The following POLE variants were observed in gnomAD, a reference collection of about 807,000 sequenced individuals.
POLE encodes the protein DNA polymerase epsilon, catalytic subunit, also known as DNA polymerase epsilon catalytic subunit A.
Under a neutral mutation model 279.2 loss-of-function variants are expected in POLE, and 188 were observed. The ratio of observed to expected loss-of-function variants is 0.67; its 90% CI spans 0.60 to 0.76. POLE has a LOEUF of 0.76. POLE is among the 30% of genes least tolerant of loss of function. POLE has a pLI of 0.00. For missense variants in POLE, 2,703 were observed against 3,016.7 expected, an observed-to-expected ratio of 0.90 and a Z score of 2.44; for synonymous variants, 1,214 against 1,172.5, an observed-to-expected ratio of 1.04 and a Z score of -0.72.
At chr12:132,652,756 G>A (rs2042450906) in intron 29 of POLE, among the ~76,000 whole-genome samples, 1 of 152,172 alleles carries the variant, frequency 6.6e-6, no homozygotes, top group Non-Finnish European at 1.5e-5. Flanking sequence ...TAACAGGGGA[G>A]TCTGTTTCTA....
chr12:132,639,360 A>G lies in POLE; in HGVS notation c.5379-62T>C. The stretch of plus-strand genomic sequence containing the variant: ...GCCTCCCACGCTGCTGCCACGCGGG[A>G]CGCTCCAACTGAAATGGGCACAGGT... On this transcript the variant is annotated intron_variant, in intron 39 of 48. Transcript: ENST00000320574. The surrounding 1 kb of genome is among the most constrained non-coding windows in gnomAD (Gnocchi z 4.7). 2 of 1,519,400 alleles carry G rather than the reference A, an allele frequency of 1.3e-6. No homozygotes were observed. Among genetic ancestry groups the G allele is most frequent in the South Asian group, 1.2e-5 (1 of 84,420 alleles). The allele number at this position is 1,519,400 out of a possible 1,614,324, so 94.1% of individuals were successfully genotyped here.
chr12:132,681,648 G>T (rs964973928), intron 1 of POLE, among the ~76,000 whole-genome samples: 1 of 152,058 alleles, frequency 6.6e-6, no homozygotes, highest in Non-Finnish European at 1.5e-5. Flanking sequence ...ATATGACAGG[G>T]TATATATATT....
In POLE at chr12:132,661,774, G is replaced by T; in HGVS notation, c.2707-90C>A. 1 of 1,315,952 alleles carries T rather than the reference G, an allele frequency of 7.6e-7. No homozygotes were observed. Among genetic ancestry groups the T allele is most frequent in the South Asian group, 1.4e-5 (1 of 72,118 alleles). 81.5% of individuals were successfully genotyped at this position (1,315,952 alleles called of 1,614,324 possible). A position where few individuals can be genotyped will look rare whatever the true frequency, so the allele number is the denominator to read the frequency against. ...GTGTCCCTCCAGGAGTGGATGGATTGACAAACCGAGGCTTTTCCACATAAC... is the reference window on the plus strand; with the variant it reads ...GTGTCCCTCCAGGAGTGGATGGATTTACAAACCGAGGCTTTTCCACATAAC... On this transcript the variant is annotated intron_variant, in intron 23 of 48. Transcript: ENST00000320574. This position sits in a 1 kb window ranked among gnomAD's most constrained non-coding sequence, Gnocchi z 4.1.
Position 132,634,365 on chromosome 12 carries a change from T to G in POLE, c.5825A>C (p.Lys1942Thr). 6.2e-7 allele frequency: 1 copy of G among 1,613,366 alleles called. No individual in the cohort carries two copies. Among genetic ancestry groups the G allele is most frequent in the Non-Finnish European group, 8.5e-7 (1 of 1,179,444 alleles). ...RIHCGLQDSQ[K>T]AGGAEDEQEN... ...CTGCTCATCCTCTGCTCCCCCTGCT[T>G]TCTGGGAGTCTTGCTGTAACACATG... Residue 1942 changes from lysine (K) to threonine (T), a missense_variant, in exon 43 of 49, where the codon AAA becomes ACA. Lys to Thr is a moderately conservative substitution (Grantham distance 78). Transcript: ENST00000320574. The surrounding 1 kb of genome is among the most constrained non-coding windows in gnomAD (Gnocchi z 4.0).
rs1392315874 is a variant in POLE at position 132,649,433 on chromosome 12, T to C, written c.3878A>G (p.Gln1293Arg). Residue 1293 changes from glutamine to arginine, a missense_variant, in exon 31 of 49, where the codon CAG (glutamine) becomes CGG (arginine). This residue lies in a region of POLE where 1,551 missense variants were observed against 1,686.1 expected (regional missense o/e 0.92). Coordinates refer to ENST00000320574, the MANE Select transcript of POLE (RefSeq NM_006231.4). The part of the protein sequence containing the change: ...ARQRLARRKR[Q>R]RLESAEGVLR... The stretch of plus-strand genomic sequence containing the variant: ...CACACCCTCTGCCGACTCCAGACGC[T>C]GCCTCTTCCTGCGGGCGAGGCGCTG... The C allele has an allele frequency of 1.9e-6, 3 of 1,612,912 alleles. No homozygotes were observed. The highest frequency in any genetic ancestry group is 2.5e-6 in the Non-Finnish European group (3 of 1,180,008).
At position 132,641,870 on chromosome 12, in the gene POLE, T is replaced by A. The variant is rs2042152543; in HGVS notation, c.5174-19A>T. On this transcript the variant is annotated intron_variant, in intron 38 of 48. Coordinates refer to ENST00000320574, the MANE Select transcript of POLE (RefSeq NM_006231.4). ...ACACACACTGCACAGGAAGACGCCATGCTCAGCCAGCATCCTGCCAGCTCC... is the reference window on the plus strand; with the variant it reads ...ACACACACTGCACAGGAAGACGCCAAGCTCAGCCAGCATCCTGCCAGCTCC... 1 of 1,597,140 alleles carries A rather than the reference T, an allele frequency of 6.3e-7. No homozygotes were observed. Among genetic ancestry groups the A allele is most frequent in the Non-Finnish European group, 8.5e-7 (1 of 1,178,698 alleles).
intron 23 of POLE, among the ~76,000 whole-genome samples, chr12:132,663,309 G>A (rs1174318733): frequency 2.0e-5 from 3 of 152,206 alleles, no homozygotes; most frequent in Non-Finnish European, 2.9e-5. Context: ...CCCTCAGGCA[G>A]GAGACTAAGC....
At chr12:132,635,777 T>G in intron 42 of POLE, 115 bp downstream of exon 42, 1 of 1,009,990 alleles carries the variant, frequency 9.9e-7, no homozygotes, top group Middle Eastern at 2.4e-4. Context: ...AGGATGCGGG[T>G]GCAGTGTCTG....
intron 8 of POLE, 51 bp downstream of exon 8, chr12:132,677,312 T>C (rs559252243): frequency 6.8e-6 from 9 of 1,316,156 alleles, no homozygotes; most frequent in Middle Eastern, 1.8e-4. Context: ...AAGAATATTC[T>C]CTCCAGAAAA....
At chr12:132,659,149 T>C in intron 26 of POLE, 146 bp downstream of exon 26, 1 of 786,530 alleles carries the variant, frequency 1.3e-6, no homozygotes, top group Non-Finnish European at 2.0e-6. Context: ...AGCCCAAATC[T>C]GTAAGGAACC....
chr12:132,661,446 G>T lies in POLE; in HGVS notation c.2864+81C>A. On this transcript the variant is annotated intron_variant, in intron 24 of 48. Coordinates refer to ENST00000320574, the MANE Select transcript of POLE (RefSeq NM_006231.4). The surrounding 1 kb of genome is among the most constrained non-coding windows in gnomAD (Gnocchi z 4.1). ...CAGGTCTGTTTCTATCCTGGCTCCT[G>T]ATCCAACCTCCTTTCTGGGCTAAAT... is the stretch of plus-strand genomic sequence containing the variant. 1 of 1,480,594 alleles carries T rather than the reference G, an allele frequency of 6.8e-7. No individual in the cohort carries two copies. Among genetic ancestry groups the T allele is most frequent in the Non-Finnish European group, 9.3e-7 (1 of 1,080,004 alleles). The allele number at this position is 1,480,594 out of a possible 1,614,324, so 91.7% of individuals were successfully genotyped here.
At chr12:132,656,361 T>G (rs1038256948) in intron 29 of POLE, among the ~76,000 whole-genome samples, 2 of 151,622 alleles carry the variant, frequency 1.3e-5, no homozygotes, top group African/African-American at 4.9e-5. Flanking sequence ...CTCAGAACCT[T>G]TTTCTTTTTT....
chr12:132,653,822 A>G (rs952071773), intron 29 of POLE, among the ~76,000 whole-genome samples: 12 of 151,060 alleles, frequency 7.9e-5, no homozygotes, highest in African/African-American at 2.9e-4. Flanking sequence ...TTATCAGGTT[A>G]AGAAACATCT....
chr12:132,673,783 G>A (rs2136001787), intron 12 of POLE, 76 bp from the exon 13 acceptor site: 2 of 1,563,314 alleles, frequency 1.3e-6, no homozygotes, highest in Non-Finnish European at 1.7e-6. Context: ...TGGCAAAACT[G>A]GGCACCACAC....
rs367740827 is a variant in POLE, at chr12:132,639,934, G to C, written c.5379-636C>G. Among the ~76,000 whole-genome samples the C allele has an allele frequency of 1.3e-5, 2 of 151,268 alleles. No individual in the cohort carries two copies. Among genetic ancestry groups the C allele is most frequent in the African/African-American group, 4.9e-5 (2 of 41,056 alleles). ...TGCATTCCAGCCTGGGTGACAGAGT[G>C]AGACTGTCTCAAAAAACAAAAACAA... On this transcript the variant is annotated intron_variant, in intron 39 of 48. Coordinates refer to ENST00000320574, the MANE Select transcript of POLE (RefSeq NM_006231.4). This position sits in a 1 kb window ranked among gnomAD's most constrained non-coding sequence, Gnocchi z 4.7.
rs986934653 is a variant in POLE at position 132,639,590 on chromosome 12, C to A, written c.5379-292G>T. Reference sequence around the variant, plus strand: ...GACGGGAGGGCAGCACAGTACAAAGCAGCAAGTGTGTGACGGGCCGGGGAC... The same window carrying A: ...GACGGGAGGGCAGCACAGTACAAAGAAGCAAGTGTGTGACGGGCCGGGGAC... On this transcript the variant is annotated intron_variant, in intron 39 of 48. Coordinates refer to ENST00000320574, the MANE Select transcript of POLE (RefSeq NM_006231.4). This position sits in a 1 kb window ranked among gnomAD's most constrained non-coding sequence, Gnocchi z 4.7. 2.0e-5 allele frequency among the ~76,000 whole-genome samples: 3 copies of A among 152,224 alleles called. No homozygotes were observed. The highest frequency in any genetic ancestry group is 7.2e-5 in the African/African-American group (3 of 41,458).
chr12:132,650,484 G>C (rs941382407), intron 29 of POLE: 1 of 153,580 alleles, frequency 6.5e-6, no homozygotes, highest in Non-Finnish European at 1.4e-5. Context: ...GTGTGGTTGT[G>C]TGGGCCTGTG....
chr12:132,669,090 T>G, intron 16 of POLE, 151 bp from the exon 17 acceptor site: 1 of 653,786 alleles, frequency 1.5e-6, no homozygotes, highest in Non-Finnish European at 2.5e-6. Flanking sequence ...TAAGAAGGGT[T>G]GCCATCATTT....
chr12:132,676,777 G>A (rs2136017139), intron 8 of POLE, 124 bp from the exon 9 acceptor site: 3 of 668,668 alleles, frequency 4.5e-6, no homozygotes, highest in Admixed American at 4.8e-5. Flanking sequence ...TCTAGAGCTG[G>A]GAGAAGGACC....
Sources: allele counts gnomAD v4.1 joint callset (sites outside exome capture counted in the v4.1 genomes callset), GRCh38; gene constraint gnomAD v4.1.1; regional missense constraint gnomAD v4.1.1; non-coding constraint Gnocchi (gnomAD v3.1); transcripts MANE v1.5; gene names NCBI Gene and HGNC (gene_info 2026-07-23, HGNC 2026-07-21).